Variants in VIL1 observed in about 807,000 individuals in gnomAD.
VIL1 encodes the protein villin 1.
A neutral mutation model predicts 104.0 loss-of-function variants in VIL1; 86 were observed. That is an observed-to-expected ratio of 0.83 (90% CI 0.69 to 0.99). The LOEUF is 0.99. Ranked by LOEUF, VIL1 falls within the 50% of genes least tolerant of loss-of-function variation. The pLI is 0.00. For missense variants in VIL1, 944 were observed against 1,054.1 expected, an observed-to-expected ratio of 0.90 and a Z score of 1.45; for synonymous variants, 394 against 412.6, an observed-to-expected ratio of 0.95 and a Z score of 0.55.
In VIL1 at chr2:218,449,412, C is replaced by A; in HGVS notation, c.*76C>A. 1 of 1,255,568 alleles carries A rather than the reference C, an allele frequency of 8.0e-7. No homozygotes were observed. Among genetic ancestry groups the A allele is most frequent in the Non-Finnish European group, 1.2e-6 (1 of 862,642 alleles). 77.8% of individuals were successfully genotyped at this position (1,255,568 alleles called of 1,614,324 possible). A position where few individuals can be genotyped will look rare whatever the true frequency, so the allele number is the denominator to read the frequency against. On this transcript the variant is annotated 3_prime_UTR_variant, in exon 20 of 20. Transcript: ENST00000248444. Reference sequence around the variant, plus strand: ...CATTTTCTCACCGATATTAGTCCTACACCAATTGAAGTGAAATTTTGCAGA... The same window carrying A: ...CATTTTCTCACCGATATTAGTCCTAAACCAATTGAAGTGAAATTTTGCAGA...
intron 13 of VIL1, among the ~76,000 whole-genome samples, chr2:218,433,195 G>T (rs10932781): frequency 0.45 from 67,638 of 151,902 alleles, 18,495 homozygotes; most frequent in East Asian, 0.76. Context: ...CAGCACTTTG[G>T]GGGGCTGAGG....
At chr2:218,431,793 C>A in intron 10 of VIL1, 64 bp from the exon 11 acceptor site, 2 of 1,346,202 alleles carry the variant, frequency 1.5e-6, no homozygotes, top group Non-Finnish European at 2.1e-6. Context: ...CCATTCAGGG[C>A]TGTTGTGAGG....
chr2:218,420,098 A>G (rs978523551), intron 1 of VIL1, among the ~76,000 whole-genome samples: 2 of 152,102 alleles, frequency 1.3e-5, no homozygotes, highest in East Asian at 1.9e-4. Flanking sequence ...CCCACTTACA[A>G]CAGAGCCGCA....
At chr2:218,439,393 A>G (rs918630277) in intron 18 of VIL1, among the ~76,000 whole-genome samples, 24 of 152,210 alleles carry the variant, frequency 1.6e-4, no homozygotes, top group African/African-American at 5.5e-4. Flanking sequence ...CTTATTTTAA[A>G]AAGGTAATTT....
rs377665182 is a variant in VIL1, at chr2:218,429,673, G to A, written c.847G>A (p.Glu283Lys). The A allele has an allele frequency of 5.0e-5, 81 of 1,613,932 alleles. No homozygotes were observed. Among genetic ancestry groups the A allele is most frequent in the African/African-American group, 9.3e-5 (7 of 74,908 alleles). ...ACTGACACAGGACCTGCTCAGTCAC[G>A]AGGTAAGAGGGTCTGGAGACCCCTC... The part of the protein sequence containing the change: ...RPLTQDLLSH[E>K]DCYILDQGGL... The change falls in exon 8 of 20, where the codon GAG becomes AAG. Residue 283 changes from glutamate (E) to lysine (K), a missense_variant and splice_region_variant. By Grantham distance (56) the Glu-to-Lys change is moderately conservative (BLOSUM62 1). Transcript: ENST00000248444.
chr2:218,432,609 T>C (rs1354549801), intron 12 of VIL1, 184 bp from the exon 13 acceptor site: 5 of 899,644 alleles, frequency 5.6e-6, no homozygotes, highest in Non-Finnish European at 8.8e-6. Flanking sequence ...GGTTTGAGGT[T>C]GAGATCAGAA....
chr2:218,430,991 T>C (rs1168994469), intron 10 of VIL1, 113 bp downstream of exon 10: 1 of 1,377,376 alleles, frequency 7.3e-7, no homozygotes, highest in Non-Finnish European at 9.9e-7. Flanking sequence ...ACGAAGACTT[T>C]TACGCTGGCT....
intron 19 of VIL1, among the ~76,000 whole-genome samples, chr2:218,444,088 C>T (rs1490734155): frequency 1.3e-5 from 2 of 152,186 alleles, no homozygotes; most frequent in African/African-American, 4.8e-5. Context: ...GCCTCAACCT[C>T]CCAAGTAGCT....
Position 218,449,694 on chromosome 2 carries a change from T to A in VIL1, c.*358T>A, listed in dbSNP as rs1165580558. On this transcript the variant is annotated 3_prime_UTR_variant, in exon 20 of 20. Transcript: ENST00000248444. Reference sequence around the variant, plus strand: ...TAGCTTGTCCTCTATCATGACTCATTTTTATCTATGGCAGGTAGGCTGAAG... The same window carrying A: ...TAGCTTGTCCTCTATCATGACTCATATTTATCTATGGCAGGTAGGCTGAAG... 1 of 181,610 alleles carries A rather than the reference T, an allele frequency of 5.5e-6. No homozygotes were observed. 11.2% of individuals were successfully genotyped at this position (181,610 alleles called of 1,614,324 possible).
At position 218,451,538 on chromosome 2, in the gene VIL1, T is replaced by C. The variant is rs530286746; in HGVS notation, c.*2202T>C. 1 of 150,180 alleles carries C rather than the reference T, an allele frequency of 6.7e-6. No individual in the cohort carries two copies. The highest frequency in any genetic ancestry group is 2.0e-4 in the East Asian group (1 of 5,114). 9.3% of individuals were successfully genotyped at this position (150,180 alleles called of 1,614,324 possible). A position where few individuals can be genotyped will look rare whatever the true frequency, so the allele number is the denominator to read the frequency against. On this transcript the variant is annotated 3_prime_UTR_variant, in exon 20 of 20. Coordinates refer to ENST00000248444, the MANE Select transcript of VIL1 (RefSeq NM_007127.3). ...AATGAGTTTACAAACTACTTTTTTT[T>C]CTCTTTAATTTAGGTGTTTGCAGAT...
intron 3 of VIL1, among the ~76,000 whole-genome samples, chr2:218,424,662 TA>T (rs1381064062): frequency 3.3e-5 from 5 of 149,434 alleles, no homozygotes; most frequent in African/African-American, 1.3e-4. Flanking sequence ...CTTCTTTTTT[TA>T]AAATTTTTTT....
Position 218,429,593 on chromosome 2 carries a change from G to A in VIL1, c.771-4G>A. 6.2e-7 allele frequency: 1 copy of A among 1,614,132 alleles called. No homozygotes were observed. Among genetic ancestry groups the A allele is most frequent in the South Asian group, 1.1e-5 (1 of 91,086 alleles). On this transcript the variant is annotated splice_polypyrimidine_tract_variant and splice_region_variant and intron_variant, in intron 7 of 19. Transcript: ENST00000248444. Reference sequence around the variant, plus strand: ...CCCATCTATGCCTTGCTTCTGTCCTGCAGTGTGTCTGACTCCGAGGGGAAT... The same window carrying A: ...CCCATCTATGCCTTGCTTCTGTCCTACAGTGTGTCTGACTCCGAGGGGAAT...
At chr2:218,443,232 T>C (rs1045789202) in intron 19 of VIL1, among the ~76,000 whole-genome samples, 1 of 148,752 alleles carries the variant, frequency 6.7e-6, no homozygotes, top group Non-Finnish European at 1.5e-5. Context: ...GGAGTCTTGC[T>C]CTGTCGCCCA....
intron 6 of VIL1, 53 bp downstream of exon 6, chr2:218,428,390 C>T (rs1196584683): frequency 6.7e-7 from 1 of 1,497,900 alleles, no homozygotes; most frequent in Non-Finnish European, 9.3e-7. Context: ...CTGCCCCCAC[C>T]TGCTCCTTTC....
intron 19 of VIL1, among the ~76,000 whole-genome samples, chr2:218,443,708 G>A (rs1314178251): frequency 1.3e-5 from 2 of 152,108 alleles, no homozygotes; most frequent in East Asian, 1.9e-4. Flanking sequence ...AGGCTGAAGT[G>A]AAGTGGCACA....
Position 218,437,332 on chromosome 2 carries a change from C to T in VIL1, c.2160+20C>T. On this transcript the variant is annotated intron_variant, in intron 17 of 19. Transcript: ENST00000248444. ...TGGAGTGTGAGTGGCCTCATCCCAG[C>T]ATGTCCTTCTCTAGCCCTGCCTGGA... 6.2e-7 allele frequency: 1 copy of T among 1,609,742 alleles called. No homozygotes were observed. Among genetic ancestry groups the T allele is most frequent in the Non-Finnish European group, 8.5e-7 (1 of 1,177,326 alleles).
At chr2:218,440,999 T>C (rs1574819521) in intron 19 of VIL1, 137 bp downstream of exon 19, 1 of 1,014,210 alleles carries the variant, frequency 9.9e-7, no homozygotes, top group Non-Finnish European at 1.4e-6. Flanking sequence ...TGCCACCTTA[T>C]ATCCCAGGAG....
rs370515062 is a variant in VIL1, at chr2:218,437,125, T to C, written c.1973T>C (p.Val658Ala). 5 of 1,613,548 alleles carry C rather than the reference T, an allele frequency of 3.1e-6. No homozygotes were observed. Among genetic ancestry groups the C allele is most frequent in the Non-Finnish European group, 4.2e-6 (5 of 1,179,670 alleles). Residue 658 changes from valine (V) to alanine (A), a missense_variant and splice_region_variant, in exon 17 of 20, where the codon GTC becomes GCC. Val to Ala is a moderately conservative substitution (Grantham distance 64, BLOSUM62 0). Coordinates refer to ENST00000248444, the MANE Select transcript of VIL1 (RefSeq NM_007127.3). The part of the protein sequence containing the change: ...DVFLLDVWDQ[V>A]FFWIGKHANE... ...CTGATCCCCTGGGTTTCTCAATAGG[T>C]CTTCTTCTGGATTGGGAAACATGCC...
intron 1 of VIL1, among the ~76,000 whole-genome samples, chr2:218,421,642 C>G (rs958374545): frequency 6.6e-6 from 1 of 152,092 alleles, no homozygotes; most frequent in South Asian, 2.1e-4. Context: ...AGGGGGGCCA[C>G]ATCTCAGAGC....
Sources: allele counts gnomAD v4.1 joint callset (sites outside exome capture counted in the v4.1 genomes callset), GRCh38; gene constraint gnomAD v4.1.1; transcripts MANE v1.5; gene names NCBI Gene and HGNC (gene_info 2026-07-23, HGNC 2026-07-21).